Variants in LOC128462377 observed in about 807,000 individuals in gnomAD.
the LOC128462377 span, chr16:89,323,374 T>C: frequency 2.3e-6 from 3 of 1,279,006 alleles, no homozygotes; most frequent in African/African-American, 3.1e-5. Context: ...CCTCTCACCA[T>C]CTCAGTGGGC....
At chr16:89,333,758 G>C in the LOC128462377 span, among the ~76,000 whole-genome samples, 1 of 152,114 alleles carries the variant, frequency 6.6e-6, no homozygotes, top group Non-Finnish European at 1.5e-5. Flanking sequence ...CTGCTTCCAA[G>C]TTTTGGCAAT....
At chr16:89,353,200 T>C in the LOC128462377 span, among the ~76,000 whole-genome samples, 1 of 151,826 alleles carries the variant, frequency 6.6e-6, no homozygotes, top group Non-Finnish European at 1.5e-5. Context: ...AAATTAGCCG[T>C]GCATGGTGGC....
chr16:89,355,690 C>A, the LOC128462377 span, among the ~76,000 whole-genome samples: 2 of 152,144 alleles, frequency 1.3e-5, no homozygotes, highest in Non-Finnish European at 2.9e-5. Context: ...CAAGAAAAAA[C>A]CCAAAGATGC....
At chr16:89,390,724 G>A in the LOC128462377 span, among the ~76,000 whole-genome samples, 1 of 152,174 alleles carries the variant, frequency 6.6e-6, no homozygotes, top group African/African-American at 2.4e-5. Context: ...GCACCCGTAA[G>A]TCCTGCAGAA....
the LOC128462377 span, among the ~76,000 whole-genome samples, chr16:89,346,372 G>C: frequency 1.8e-4 from 27 of 151,678 alleles, no homozygotes; most frequent in Non-Finnish European, 2.9e-5. Flanking sequence ...CAGACTACAA[G>C]ACAGAAGATC....
the LOC128462377 span, among the ~76,000 whole-genome samples, chr16:89,339,471 G>C: frequency 6.9e-6 from 1 of 144,294 alleles, no homozygotes; most frequent in African/African-American, 2.4e-5. Flanking sequence ...ATCCTGCCCT[G>C]AGTGCACGCA....
chr16:89,366,959 A>C, the LOC128462377 span, among the ~76,000 whole-genome samples: 1 of 152,224 alleles, frequency 6.6e-6, no homozygotes, highest in African/African-American at 2.4e-5. Context: ...AGACAGACCC[A>C]CAGGCTGGAT....
chr16:89,374,778 C>CA, the LOC128462377 span, among the ~76,000 whole-genome samples: 10 of 152,330 alleles, frequency 6.6e-5, no homozygotes, highest in African/African-American at 2.4e-4. Flanking sequence ...CGTGGACACA[C>CA]ACGTGTGCAC....
At chr16:89,408,204 G>C in the LOC128462377 span, among the ~76,000 whole-genome samples, 2 of 152,198 alleles carry the variant, frequency 1.3e-5, no homozygotes, top group Non-Finnish European at 2.9e-5. Context: ...ACTCGGCCAA[G>C]AAACTCCCTG....
At chr16:89,336,768 A>C in the LOC128462377 span, among the ~76,000 whole-genome samples, 1 of 152,160 alleles carries the variant, frequency 6.6e-6, no homozygotes, top group African/African-American at 2.4e-5. Context: ...ACTACATGAG[A>C]GATGATAAAA....
At chr16:89,404,233 T>A in the LOC128462377 span, among the ~76,000 whole-genome samples, 1 of 152,106 alleles carries the variant, frequency 6.6e-6, no homozygotes, top group Admixed American at 6.6e-5. Context: ...TGGCCGACTG[T>A]AGAACCCTGT....
At chr16:89,367,523 G>C in the LOC128462377 span, among the ~76,000 whole-genome samples, 14 of 152,174 alleles carry the variant, frequency 9.2e-5, no homozygotes, top group Non-Finnish European at 1.6e-4. Flanking sequence ...CTCCCTCTTA[G>C]GCCACGGCAC....
the LOC128462377 span, among the ~76,000 whole-genome samples, chr16:89,399,787 C>A: frequency 3.1e-5 from 4 of 127,246 alleles, no homozygotes; most frequent in Admixed American, 2.5e-4. Context: ...GAACCTAAAG[C>A]TAATATAAAA....
the LOC128462377 span, among the ~76,000 whole-genome samples, chr16:89,387,795 G>C: frequency 2.0e-5 from 3 of 151,316 alleles, no homozygotes; most frequent in African/African-American, 2.4e-5. Context: ...TTGAGGTCAG[G>C]GGTTCAAGAC....
chr16:89,402,170 G>T, the LOC128462377 span, among the ~76,000 whole-genome samples: 1 of 152,170 alleles, frequency 6.6e-6, no homozygotes, highest in Admixed American at 6.5e-5. Context: ...GAGTAAGGAG[G>T]ACGACCTACA....
chr16:89,377,257 CT>C, the LOC128462377 span, among the ~76,000 whole-genome samples: 1 of 151,986 alleles, frequency 6.6e-6, no homozygotes, highest in Admixed American at 6.6e-5. Flanking sequence ...ATGGAAAGGA[CT>C]GTCAACATGG....
the LOC128462377 span, among the ~76,000 whole-genome samples, chr16:89,398,686 G>C: frequency 1.3e-5 from 2 of 152,128 alleles, no homozygotes; most frequent in Non-Finnish European, 2.9e-5. Flanking sequence ...AGGCTGCAGT[G>C]AGCTATATGA....
the LOC128462377 span, chr16:89,317,053 G>C: frequency 6.3e-7 from 1 of 1,599,466 alleles, no homozygotes; most frequent in Non-Finnish European, 8.5e-7. Context: ...CATTTACACG[G>C]CCGGCGCTTC....
chr16:89,337,426 A>ATTT, the LOC128462377 span, among the ~76,000 whole-genome samples: 61 of 43,756 alleles, frequency 1.4e-3, 2 homozygotes, highest in Admixed American at 2.6e-3. Flanking sequence ...GGTCTAAGCA[A>ATTT]TTCTTTTTTT....
Sources: gnomAD v4.1 joint callset for allele counts (sites outside exome capture counted in the v4.1 genomes callset) on GRCh38, gnomAD v4.1.1 for gene constraint, MANE v1.5 for transcripts.